Variants in RAB2A observed in about 807,000 individuals in gnomAD.
RAB2A encodes the protein RAB2A, member RAS oncogene family.
A neutral mutation model predicts 32.5 loss-of-function variants in RAB2A; 7 were observed. That is an observed-to-expected ratio of 0.22 (90% CI 0.12 to 0.40). RAB2A has a LOEUF of 0.40. Among genes scored for constraint, RAB2A ranks in the 10% least tolerant of loss-of-function variants. The pLI is 1.00. For synonymous variants in RAB2A, 79 were observed against 85.2 expected (o/e 0.93, Z 0.40); for missense variants, 108 against 260.7 (o/e 0.41, Z 4.03).
intron 6 of RAB2A, among the ~76,000 whole-genome samples, chr8:60,593,070 T>A (rs538424486): frequency 1.3e-5 from 2 of 152,322 alleles, no homozygotes; most frequent in East Asian, 3.9e-4. Flanking sequence ...TGATTAACCC[T>A]TGAACCTAAA....
intron 1 of RAB2A, among the ~76,000 whole-genome samples, chr8:60,546,544 A>G (rs963710591): frequency 4.6e-5 from 7 of 152,228 alleles, no homozygotes; most frequent in African/African-American, 1.4e-4. Flanking sequence ...GATAAACTAC[A>G]TGGACATCTA....
chr8:60,528,451 T>C (rs1390685263), intron 1 of RAB2A, among the ~76,000 whole-genome samples: 1 of 152,230 alleles, frequency 6.6e-6, no homozygotes, highest in African/African-American at 2.4e-5. Flanking sequence ...CTAATGCTAA[T>C]AATAGCAAAA....
At chr8:60,544,079 A>AG (rs1201702151) in intron 1 of RAB2A, among the ~76,000 whole-genome samples, 12 of 144,368 alleles carry the variant, frequency 8.3e-5, no homozygotes, top group Non-Finnish European at 1.5e-4. Flanking sequence ...AAAAAAAAAA[A>AG]AAGTGATAAA....
chr8:60,601,718 T>C (rs1804137625), intron 6 of RAB2A, among the ~76,000 whole-genome samples: 1 of 152,240 alleles, frequency 6.6e-6, no homozygotes. Context: ...AAGAAAGTCC[T>C]GGTTAGAAGA....
intron 6 of RAB2A, among the ~76,000 whole-genome samples, chr8:60,608,681 T>C (rs1030897032): frequency 1.4e-5 from 2 of 144,640 alleles, no homozygotes; most frequent in African/African-American, 5.2e-5. Flanking sequence ...AGATATCACC[T>C]AAGTCTGTTA....
chr8:60,563,530 G>A (rs562737499), intron 2 of RAB2A, among the ~76,000 whole-genome samples: 1 of 152,236 alleles, frequency 6.6e-6, no homozygotes, highest in Non-Finnish European at 1.5e-5. Context: ...TACACTTTAT[G>A]TGCTTTGCCT....
intron 1 of RAB2A, among the ~76,000 whole-genome samples, chr8:60,551,663 CTG>C (rs924001717): frequency 4.6e-5 from 7 of 152,110 alleles, no homozygotes; most frequent in African/African-American, 1.4e-4. Context: ...TCAGTAGAAA[CTG>C]TATTTCAGAT....
rs531885903 is a variant in RAB2A, at chr8:60,620,627, A to G, written c.544-47A>G. The G allele has an allele frequency of 5.2e-5, 70 of 1,350,200 alleles. No homozygotes were observed. The Middle Eastern group carries it at 1.0e-3, about 19-fold the overall frequency. 83.6% of individuals were successfully genotyped at this position (1,350,200 alleles called of 1,614,324 possible). On this transcript the variant is annotated intron_variant, in intron 7 of 7. Coordinates refer to ENST00000262646, the MANE Select transcript of RAB2A (RefSeq NM_002865.3). ...AATGAGTTTTTTAAGAATTAGTTAA[A>G]CTATATTGTCTGGTCATATTTATTG...
intron 1 of RAB2A, among the ~76,000 whole-genome samples, chr8:60,539,191 A>G (rs73259409): frequency 0.043 from 6,552 of 152,274 alleles, 333 homozygotes; most frequent in African/African-American, 0.12. Context: ...CAGAAAGGCA[A>G]ATGTTACTGC....
intron 2 of RAB2A, among the ~76,000 whole-genome samples, chr8:60,566,589 T>A (rs1293139262): frequency 6.6e-6 from 1 of 152,210 alleles, no homozygotes; most frequent in Non-Finnish European, 1.5e-5. Flanking sequence ...TGGTATGTGG[T>A]CATGTATATC....
At chr8:60,594,350 AAGAC>A (rs1018527523) in intron 6 of RAB2A, among the ~76,000 whole-genome samples, 5 of 152,198 alleles carry the variant, frequency 3.3e-5, no homozygotes, top group South Asian at 2.1e-4. Context: ...CTGAACGTGA[AAGAC>A]AGAAAAAAAA....
intron 2 of RAB2A, among the ~76,000 whole-genome samples, chr8:60,568,565 A>G (rs757743845): frequency 2.0e-5 from 3 of 152,232 alleles, no homozygotes; most frequent in Non-Finnish European, 4.4e-5. Context: ...GAAAACTAAG[A>G]CAAAGAAGGG....
intron 6 of RAB2A, among the ~76,000 whole-genome samples, chr8:60,616,963 G>A (rs1409550739): frequency 6.6e-6 from 1 of 152,136 alleles, no homozygotes; most frequent in Non-Finnish European, 1.5e-5. Flanking sequence ...AAAGATAAAA[G>A]GTATGATTTG....
intron 5 of RAB2A, among the ~76,000 whole-genome samples, chr8:60,589,629 A>G (rs562691337): frequency 7.9e-5 from 12 of 152,338 alleles, no homozygotes; most frequent in African/African-American, 2.9e-4. Flanking sequence ...AAAAGGGGCC[A>G]TAAATTAAAA....
intron 2 of RAB2A, among the ~76,000 whole-genome samples, chr8:60,570,521 C>T (rs1808181961): frequency 6.6e-6 from 1 of 151,940 alleles, no homozygotes; most frequent in South Asian, 2.1e-4. Context: ...CACCCTGTGG[C>T]ACAGAACAGA....
rs1392164904 is a variant in RAB2A at position 60,525,880 on chromosome 8, T to TTA, written c.46+8639_46+8640dup. Among the ~76,000 whole-genome samples the TTA allele has an allele frequency of 3.9e-4, 59 of 149,702 alleles. 2 individuals carry two copies. In the South Asian group the frequency reaches 7.8e-3, roughly 20 times the overall value. Reference sequence around the variant, plus strand: ...GTTTCAAAACAGGATTTAAGGGCACTTATATATATATATTTTTTAGTTTTT... The same window carrying TTA: ...GTTTCAAAACAGGATTTAAGGGCACTTATATATATATATATTTTTTAGTTTTT... On this transcript the variant is annotated intron_variant, in intron 1 of 7. Transcript: ENST00000262646.
chr8:60,570,100 C>A, intron 2 of RAB2A: 1 of 451,138 alleles, frequency 2.2e-6, no homozygotes, highest in South Asian at 1.6e-5. Flanking sequence ...GATATCAATT[C>A]CAGAGAGGGA....
At position 60,579,254 on chromosome 8, in the gene RAB2A, G is replaced by A. The variant is rs563979512; in HGVS notation, c.187-4954G>A. 4.8e-4 allele frequency among the ~76,000 whole-genome samples: 73 copies of A among 152,270 alleles called. No homozygotes were observed. In the South Asian group the frequency reaches 0.015, roughly 31 times the overall value. ...GACGGGGTTTCACCATGTTGGCCAGGCTGGTCTGGAACTCCTGACCTCAGG... is the reference window on the plus strand; with the variant it reads ...GACGGGGTTTCACCATGTTGGCCAGACTGGTCTGGAACTCCTGACCTCAGG... On this transcript the variant is annotated intron_variant, in intron 3 of 7. Coordinates refer to ENST00000262646, the MANE Select transcript of RAB2A (RefSeq NM_002865.3).
intron 1 of RAB2A, among the ~76,000 whole-genome samples, chr8:60,544,351 T>C (rs1000522484): frequency 6.6e-6 from 1 of 151,878 alleles, no homozygotes; most frequent in Non-Finnish European, 1.5e-5. Flanking sequence ...CAATTCATTT[T>C]TTAAAATATA....
Sources: gnomAD v4.1 joint callset for allele counts (sites outside exome capture counted in the v4.1 genomes callset) on GRCh38, gnomAD v4.1.1 for gene constraint, MANE v1.5 for transcripts, NCBI Gene and HGNC (gene_info 2026-07-23, HGNC 2026-07-21) for gene names.